SRSF1: variants seen among roughly 807,000 people sequenced by gnomAD.
SRSF1 encodes the protein serine/arginine-rich splicing factor 1.
Under a neutral mutation model 25.9 loss-of-function variants are expected in SRSF1, and 1 was observed. The ratio of observed to expected loss-of-function variants is 0.04; its 90% confidence interval spans 0.01 to 0.18. SRSF1 has a LOEUF of 0.18. Ranked by LOEUF, SRSF1 falls within the 10% of genes least tolerant of loss-of-function variation. The pLI is 1.00. For missense variants in SRSF1, 65 were observed against 350.5 expected (o/e 0.19, Z 6.50); for synonymous variants, 132 against 126.2 (o/e 1.05, Z -0.31).
At chr17:57,999,647 G>C (rs1398824582), downstream of SRSF1, among the ~76,000 whole-genome samples, 2 of 152,146 alleles carry the variant, frequency 1.3e-5, no homozygotes, top group African/African-American at 2.4e-5. Flanking sequence ...CTATAATGGG[G>C]ATTATTTCCT....
Position 58,007,139 on chromosome 17 carries a change from G to T in SRSF1, c.-2C>A. Reference sequence around the variant, plus strand: ...ACGAATCACACCACCTCCCGACATGGCGGTGACGAAAAGCGCGGACTCGAG... The same window carrying T: ...ACGAATCACACCACCTCCCGACATGTCGGTGACGAAAAGCGCGGACTCGAG... On this transcript the variant is annotated 5_prime_UTR_variant, in exon 1 of 4. Coordinates refer to ENST00000258962, the MANE Select transcript of SRSF1 (RefSeq NM_006924.5). 6.2e-7 allele frequency: 1 copy of T among 1,613,954 alleles called. No individual in the cohort carries two copies. The highest frequency in any genetic ancestry group is 8.5e-7 in the Non-Finnish European group (1 of 1,179,974).
chr17:58,005,729 T>TA lies in SRSF1; in HGVS notation c.552+71dup. The TA allele has an allele frequency of 6.2e-7, 1 of 1,612,168 alleles. No individual in the cohort carries two copies. Among genetic ancestry groups the TA allele is most frequent in the Non-Finnish European group, 8.5e-7 (1 of 1,178,592 alleles). The stretch of plus-strand genomic sequence containing the variant: ...ACTTGGACAACCTTGCCTGAATCCT[T>TA]ACCTTGAAATTCCACTGTTAAGACC... On this transcript the variant is annotated intron_variant, in intron 3 of 3. Coordinates refer to ENST00000258962, the MANE Select transcript of SRSF1 (RefSeq NM_006924.5). The surrounding 1 kb of genome is among the most constrained non-coding windows in gnomAD (Gnocchi z 5.2).
At position 58,004,257 on chromosome 17, in the gene SRSF1, G is replaced by GT; in HGVS notation, c.*1148dup. On this transcript the variant is annotated 3_prime_UTR_variant, in exon 4 of 4. Coordinates refer to ENST00000258962, the MANE Select transcript of SRSF1 (RefSeq NM_006924.5). ...ATGCCAACACTTGTTACTGTACAGC[G>GT]TATTACAGGTTTCGTGGTTGCAAGA... 6.5e-6 allele frequency: 1 copy of GT among 152,684 alleles called. No homozygotes were observed. Among genetic ancestry groups the GT allele is most frequent in the Non-Finnish European group, 1.5e-5 (1 of 68,018 alleles). 9.5% of individuals were successfully genotyped at this position (152,684 alleles called of 1,614,324 possible).
downstream of SRSF1, among the ~76,000 whole-genome samples, chr17:57,999,491 A>C (rs192206870): frequency 5.9e-5 from 9 of 152,330 alleles, no homozygotes; most frequent in Non-Finnish European, 1.3e-4. Flanking sequence ...ACCTAAATGG[A>C]TGCAAAAGCT....
chr17:57,999,033 T>C (rs921854952), downstream of SRSF1, among the ~76,000 whole-genome samples: 2 of 152,146 alleles, frequency 1.3e-5, no homozygotes, highest in African/African-American at 2.4e-5. Context: ...ATACTAAAAG[T>C]GTTAAATTTT....
rs970163655 is a variant in SRSF1 at position 58,006,476 on chromosome 17, G to A, written c.246C>T (p.Tyr82=). ...TTCGAGGAAACTCCACCCGCAGACG[G>A]TACCCATCGTAATCATAGCCGTCGC... ...YGRDGYDYDG[Y]RLRVEFPRSG... is the part of the protein sequence containing the mutation. Residue 82 remains tyrosine (Y), a synonymous_variant, in exon 2 of 4, where the codon TAC becomes TAT. Transcript: ENST00000258962. 4 of 1,613,462 alleles carry A rather than the reference G, an allele frequency of 2.5e-6. No homozygotes were observed. Among genetic ancestry groups the A allele is most frequent in the Non-Finnish European group, 2.5e-6 (3 of 1,180,014 alleles).
rs1373839467 is a variant in SRSF1, at chr17:58,007,160, T to G, written c.-23A>C. ...CATGGCGGTGACGAAAAGCGCGGACTCGAGAACAGGCCTTCCCACCAAGCC... is the reference window on the plus strand; with the variant it reads ...CATGGCGGTGACGAAAAGCGCGGACGCGAGAACAGGCCTTCCCACCAAGCC... On this transcript the variant is annotated 5_prime_UTR_variant, in exon 1 of 4. Transcript: ENST00000258962. The G allele has an allele frequency of 1.2e-6, 2 of 1,612,828 alleles. No homozygotes were observed. The highest frequency in any genetic ancestry group is 1.7e-6 in the Non-Finnish European group (2 of 1,179,676).
rs1378860670 is a variant in SRSF1, at chr17:58,006,439, T to C, written c.283A>G (p.Thr95Ala). The part of the protein sequence containing the change: ...RVEFPRSGRG[T>A]GRGGGGGGGG... Reference sequence around the variant, plus strand: ...CCACCCCCGCCGCCGCCTCGGCCTGTTCCACGGCCGCTTCGAGGAAACTCC... The same window carrying C: ...CCACCCCCGCCGCCGCCTCGGCCTGCTCCACGGCCGCTTCGAGGAAACTCC... Residue 95 changes from threonine (T) to alanine (A), a missense_variant, in exon 2 of 4, where the codon ACA becomes GCA. By Grantham distance (58) the Thr-to-Ala change is moderately conservative. Transcript: ENST00000258962. 3.1e-6 allele frequency: 5 copies of C among 1,612,282 alleles called. No individual in the cohort carries two copies. Among genetic ancestry groups the C allele is most frequent in the Non-Finnish European group, 4.2e-6 (5 of 1,179,684 alleles).
downstream of SRSF1, among the ~76,000 whole-genome samples, chr17:57,997,410 G>A (rs926667156): frequency 3.3e-5 from 5 of 151,994 alleles, no homozygotes; most frequent in East Asian, 1.9e-4. Flanking sequence ...TTCCCATCTC[G>A]CCCATCAATA....
In SRSF1 at chr17:58,005,963, T is replaced by C. The variant is rs3189003; in HGVS notation, c.390A>G (p.Pro130=). ...ENRVVVSGLP[P]SGSWQDLKDH... ...CCTTTAAATCCTGCCAACTTCCACT[T>C]GGAGGCAGTCCTGAAAAAGTGATTT... The change falls in exon 3 of 4, where the codon CCA becomes CCG. Residue 130 remains proline, a synonymous_variant. Coordinates refer to ENST00000258962, the MANE Select transcript of SRSF1 (RefSeq NM_006924.5). The surrounding 1 kb of genome is among the most constrained non-coding windows in gnomAD (Gnocchi z 5.2). The C allele has an allele frequency of 6.2e-7, 1 of 1,611,656 alleles. No homozygotes were observed. Among genetic ancestry groups the C allele is most frequent in the African/African-American group, 1.3e-5 (1 of 75,020 alleles).
At chr17:57,996,490 A>AAAAAAC (rs1405299660), downstream of SRSF1, among the ~76,000 whole-genome samples, 12 of 150,666 alleles carry the variant, frequency 8.0e-5, no homozygotes, top group South Asian at 2.1e-4. Flanking sequence ...TCTTAAAAAA[A>AAAAAAC]AAAAAAAAAA....
At chr17:57,996,555 TTAAAC>T (rs1181349767), downstream of SRSF1, among the ~76,000 whole-genome samples, 1 of 148,304 alleles carries the variant, frequency 6.7e-6, no homozygotes, top group Non-Finnish European at 1.5e-5. Context: ...AGCATACACA[TTAAAC>T]TAGAGAACAG....
At chr17:58,006,643 C>G in intron 1 of SRSF1, 116 bp from the exon 2 acceptor site, 3 of 1,256,638 alleles carry the variant, frequency 2.4e-6, no homozygotes, top group South Asian at 3.0e-5. Context: ...CCCACATGCG[C>G]CGCATAATAG....
Position 58,005,663 on chromosome 17 carries a change from G to A in SRSF1, c.553-63C>T. On this transcript the variant is annotated intron_variant, in intron 3 of 3. Transcript: ENST00000258962. This position sits in a 1 kb window ranked among gnomAD's most constrained non-coding sequence, Gnocchi z 5.2. Reference sequence around the variant, plus strand: ...GCTTTCATCTATCTTCAGACATGCTGAATGAATACAATGTAACTAAAACCA... The same window carrying A: ...GCTTTCATCTATCTTCAGACATGCTAAATGAATACAATGTAACTAAAACCA... 9 of 1,609,436 alleles carry A rather than the reference G, an allele frequency of 5.6e-6. No homozygotes were observed. The highest frequency in any genetic ancestry group is 7.6e-6 in the Non-Finnish European group (9 of 1,176,808).
chr17:57,999,753 C>G (rs1307139394), downstream of SRSF1, among the ~76,000 whole-genome samples: 1 of 151,326 alleles, frequency 6.6e-6, no homozygotes, highest in Non-Finnish European at 1.5e-5. Context: ...AAAAACCAAA[C>G]AAACAAACAA....
At position 58,007,231 on chromosome 17, in the gene SRSF1, G is replaced by A. The variant is rs946952019; in HGVS notation, c.-94C>T. ...CCGCAGCGGCACCACGTCTCCCGCG[G>A]CCCCTCCAAAATGGCGCCTTTATCA... On this transcript the variant is annotated 5_prime_UTR_variant, in exon 1 of 4. Transcript: ENST00000258962. 4 of 1,470,700 alleles carry A rather than the reference G, an allele frequency of 2.7e-6. No individual in the cohort carries two copies. The highest frequency in any genetic ancestry group is 2.3e-5 in the East Asian group (1 of 43,388). 91.1% of individuals were successfully genotyped at this position (1,470,700 alleles called of 1,614,324 possible). A position where few individuals can be genotyped will look rare whatever the true frequency, so the allele number is the denominator to read the frequency against.
At chr17:57,990,020 C>G in the SRSF1 span, 1 of 338,028 alleles carries the variant, frequency 3.0e-6, no homozygotes, top group Non-Finnish European at 5.3e-6. Flanking sequence ...CACTCAAGGT[C>G]TCTGTGATGC....
chr17:57,991,817 G>T, the SRSF1 span: 1 of 152,136 alleles, frequency 6.6e-6, no homozygotes, highest in Non-Finnish European at 1.5e-5. Flanking sequence ...AGTGTCACCA[G>T]GAGTTATTTA....
At chr17:57,996,273 A>C (rs1378736128), downstream of SRSF1, among the ~76,000 whole-genome samples, 2 of 152,102 alleles carry the variant, frequency 1.3e-5, no homozygotes, top group Non-Finnish European at 2.9e-5. Flanking sequence ...TCACGAGGTC[A>C]GGAGTTTGAG....
Sources: gnomAD v4.1 joint callset for allele counts (sites outside exome capture counted in the v4.1 genomes callset) on GRCh38, gnomAD v4.1.1 for gene constraint, Gnocchi (gnomAD v3.1) non-coding constraint, MANE v1.5 for transcripts, NCBI Gene and HGNC (gene_info 2026-07-23, HGNC 2026-07-21) for gene names.